The following MAGI2 variants were observed in gnomAD, a reference collection of about 807,000 sequenced individuals.
MAGI2 encodes membrane-associated guanylate kinase, WW and PDZ domain-containing protein 2.
Under a neutral mutation model 133.3 loss-of-function variants are expected in MAGI2, and 35 were observed. The ratio of observed to expected loss-of-function variants is 0.26; its 90% CI spans 0.20 to 0.35. MAGI2 has a LOEUF of 0.35. Among genes scored for constraint, MAGI2 ranks in the 10% least tolerant of loss-of-function variants. The pLI, the probability that MAGI2 is intolerant of heterozygous loss-of-function variation, is 1.00. For missense variants in MAGI2, 1,636 were observed against 1,863.4 expected (o/e 0.88, Z 2.25); for synonymous variants, 729 against 710.6 (o/e 1.03, Z -0.41).
At chr7:78,279,450 C>CAATTTT (rs10688324) in intron 9 of MAGI2, among the ~76,000 whole-genome samples, 109,602 of 151,184 alleles carry the variant, frequency 0.72, 40,427 homozygotes, top group African/African-American at 0.87. Context: ...GTTTTAGACA[C>CAATTTT]AATTATTTAG....
rs183373540 is a variant in MAGI2 at position 78,289,386 on chromosome 7, C to T, written c.1409-32805G>A. Among the ~76,000 whole-genome samples the T allele has an allele frequency of 1.6e-4, 25 of 151,864 alleles. No individual in the cohort carries two copies. In the East Asian group the frequency reaches 2.3e-3, roughly 14 times the overall value. ...TGAAGATCAAATGAATGAAATGAAG[C>T]GAGAAGAGAAGTTTAGAGAAAAAAG... On this transcript the variant is annotated intron_variant, in intron 9 of 21. Transcript: ENST00000354212.
At chr7:79,028,231 GTA>G (rs1294855612) in intron 1 of MAGI2, among the ~76,000 whole-genome samples, 50 of 30,904 alleles carry the variant, frequency 1.6e-3, no homozygotes, top group South Asian at 3.0e-3. Context: ...ATATATATAT[GTA>G]TGTATATATA....
chr7:78,080,962 C>T (rs926056664), intron 20 of MAGI2, among the ~76,000 whole-genome samples: 4 of 152,204 alleles, frequency 2.6e-5, no homozygotes, highest in Non-Finnish European at 4.4e-5. Flanking sequence ...GTCCCTCTCC[C>T]GCCAACCTCT....
At chr7:78,397,869 G>T (rs926460634) in intron 6 of MAGI2, among the ~76,000 whole-genome samples, 1 of 151,894 alleles carries the variant, frequency 6.6e-6, no homozygotes. Flanking sequence ...TAAGTAGAGG[G>T]CAACATATTA....
At chr7:78,621,661 G>T (rs143587435) in intron 3 of MAGI2, among the ~76,000 whole-genome samples, 1 of 151,978 alleles carries the variant, frequency 6.6e-6, no homozygotes, top group East Asian at 1.9e-4. Context: ...ATGTGGCATA[G>T]CTATAGATGG....
intron 21 of MAGI2, among the ~76,000 whole-genome samples, chr7:78,024,606 C>T (rs933419415): frequency 1.3e-5 from 2 of 152,224 alleles, no homozygotes; most frequent in African/African-American, 4.8e-5. Flanking sequence ...GTCAACTTAT[C>T]TTCACCTTCA....
chr7:78,681,594 C>T (rs1815667173), intron 2 of MAGI2, among the ~76,000 whole-genome samples: 1 of 152,112 alleles, frequency 6.6e-6, no homozygotes, highest in South Asian at 2.1e-4. Flanking sequence ...TTACTCTTTT[C>T]AGAACATCGA....
At chr7:78,977,377 T>G (rs753646149) in intron 2 of MAGI2, among the ~76,000 whole-genome samples, 2 of 150,494 alleles carry the variant, frequency 1.3e-5, no homozygotes, top group East Asian at 2.0e-4. Context: ...GACAGCCACA[T>G]GCAGAATGAA....
chr7:78,782,913 A>G (rs1755379592), intron 2 of MAGI2, among the ~76,000 whole-genome samples: 1 of 150,458 alleles, frequency 6.6e-6, no homozygotes, highest in South Asian at 2.1e-4. Context: ...AAGAATACAT[A>G]TTATTAGACT....
intron 3 of MAGI2, among the ~76,000 whole-genome samples, chr7:78,523,708 G>A (rs1212930627): frequency 6.6e-6 from 1 of 152,070 alleles, no homozygotes; most frequent in African/African-American, 2.4e-5. Context: ...ATCAGATCTT[G>A]TGAGAACTCA....
At chr7:79,244,419 C>G (rs188038390) in intron 1 of MAGI2, among the ~76,000 whole-genome samples, 1 of 152,294 alleles carries the variant, frequency 6.6e-6, no homozygotes, top group East Asian at 1.9e-4. Flanking sequence ...GCATTGGCCA[C>G]CTGGTGCTGA....
chr7:78,959,912 C>T (rs1479356388), intron 2 of MAGI2, among the ~76,000 whole-genome samples: 1 of 152,134 alleles, frequency 6.6e-6, no homozygotes, highest in African/African-American at 2.4e-5. Context: ...TTTATGTAAA[C>T]ATACATGTAA....
chr7:79,088,639 T>G (rs1168115165), intron 1 of MAGI2, among the ~76,000 whole-genome samples: 1 of 152,134 alleles, frequency 6.6e-6, no homozygotes, highest in Non-Finnish European at 1.5e-5. Context: ...TGATATTGGC[T>G]GTGGGTTTGT....
chr7:78,657,372 G>A lies in MAGI2; in HGVS notation c.419-30133C>T, dbSNP rs73145127. ...CATGTCCACACAAAAACCTGCATGT[G>A]GATGTTTGTAGAATCTTTATTCACA... is the stretch of plus-strand genomic sequence containing the variant. On this transcript the variant is annotated intron_variant, in intron 2 of 21. Transcript: ENST00000354212. Among the ~76,000 whole-genome samples, 876 of 152,272 alleles carry A rather than the reference G, an allele frequency of 5.8e-3. 3 individuals carry two copies. Among genetic ancestry groups the A allele is most frequent in the Non-Finnish European group, 9.4e-3 (638 of 68,008 alleles).
At chr7:78,133,832 A>G (rs1821813080) in intron 17 of MAGI2, among the ~76,000 whole-genome samples, 1 of 152,048 alleles carries the variant, frequency 6.6e-6, no homozygotes. Context: ...CAGCATGGCC[A>G]TTTTCTTTTC....
At chr7:79,240,727 T>C (rs1281405084) in intron 1 of MAGI2, among the ~76,000 whole-genome samples, 1 of 152,180 alleles carries the variant, frequency 6.6e-6, no homozygotes, top group African/African-American at 2.4e-5. Flanking sequence ...TGAAGGACAT[T>C]ATTAAATTGT....
intron 1 of MAGI2, chr7:79,410,852 A>G (rs181100531): frequency 1.6e-4 from 24 of 152,270 alleles, no homozygotes; most frequent in Admixed American, 4.6e-4. Flanking sequence ...CATAAACTAT[A>G]TTTTGAATTT....
At chr7:78,563,619 A>C (rs748213135) in intron 3 of MAGI2, among the ~76,000 whole-genome samples, 1 of 152,252 alleles carries the variant, frequency 6.6e-6, no homozygotes, top group Non-Finnish European at 1.5e-5. Context: ...ATCCCCTGGC[A>C]GATGACTTTT....
At position 78,194,869 on chromosome 7, in the gene MAGI2, C is replaced by A; in HGVS notation, c.2269+5G>T. ...GTACCCTTGTTTCATGTGGCTTTCA[C>A]TTACGCCTACTTTCATAAATGGCCC... On this transcript the variant is annotated splice_donor_5th_base_variant and intron_variant, in intron 12 of 21. Transcript: ENST00000354212. The A allele has an allele frequency of 6.3e-7, 1 of 1,594,704 alleles. No homozygotes were observed. Among genetic ancestry groups the A allele is most frequent in the Non-Finnish European group, 8.5e-7 (1 of 1,172,106 alleles).
Sources: allele counts gnomAD v4.1 joint callset (sites outside exome capture counted in the v4.1 genomes callset), GRCh38; gene constraint gnomAD v4.1.1; transcripts MANE v1.5; gene names NCBI Gene and HGNC (gene_info 2026-07-23, HGNC 2026-07-21).